The following SNTG1 variants were observed in gnomAD, a reference collection of about 807,000 sequenced individuals.
SNTG1 encodes syntrophin gamma 1, also known as gamma-1-syntrophin.
In SNTG1, 39 loss-of-function variants were observed where a neutral mutation model predicts 74.7. That is an observed-to-expected ratio of 0.52 (90% CI 0.40 to 0.68). SNTG1 has a LOEUF of 0.68. Among genes scored for constraint, SNTG1 ranks in the 30% least tolerant of loss-of-function variants. The pLI, the probability that SNTG1 is intolerant of heterozygous loss-of-function variation, is 0.00. For synonymous variants in SNTG1, 254 were observed against 217.1 expected (o/e 1.17, Z -1.49); for missense variants, 685 against 609.5 (o/e 1.12, Z -1.30).
chr8:50,385,862 G>A (rs140469645), intron 2 of SNTG1, among the ~76,000 whole-genome samples: 34 of 152,266 alleles, frequency 2.2e-4, no homozygotes, highest in African/African-American at 7.9e-4. Context: ...CTAAGCTTGT[G>A]GTAATCCATT....
intron 3 of SNTG1, among the ~76,000 whole-genome samples, chr8:50,401,321 G>T (rs1330646996): frequency 6.6e-6 from 1 of 151,986 alleles, no homozygotes; most frequent in African/African-American, 2.4e-5. Flanking sequence ...CACTTTCTAG[G>T]GAGAATATTT....
chr8:50,163,940 T>C (rs1197838506), intron 1 of SNTG1: 2 of 152,204 alleles, frequency 1.3e-5, no homozygotes, highest in Non-Finnish European at 2.9e-5. Context: ...ACTACATCTT[T>C]ACAATTGCTG....
intron 2 of SNTG1, among the ~76,000 whole-genome samples, chr8:50,386,451 TTAACAACA>T (rs2092575625): frequency 3.9e-5 from 1 of 25,558 alleles, no homozygotes; most frequent in Non-Finnish European, 7.6e-5. Flanking sequence ...GGGAGCAAGA[TTAACAACA>T]TACACCTGTG....
intron 1 of SNTG1, among the ~76,000 whole-genome samples, chr8:50,036,155 A>G (rs560110979): frequency 2.0e-5 from 3 of 152,344 alleles, no homozygotes; most frequent in South Asian, 2.1e-4. Context: ...ATGCACAAGA[A>G]TATGCATTGA....
At chr8:50,458,857 C>G (rs2093533226) in intron 8 of SNTG1, among the ~76,000 whole-genome samples, 1 of 152,070 alleles carries the variant, frequency 6.6e-6, no homozygotes, top group Non-Finnish European at 1.5e-5. Flanking sequence ...TTTTCCTAGT[C>G]TGTGGCTTAG....
intron 1 of SNTG1, among the ~76,000 whole-genome samples, chr8:50,129,392 T>C (rs546327132): frequency 6.6e-6 from 1 of 152,106 alleles, no homozygotes; most frequent in Non-Finnish European, 1.5e-5. Flanking sequence ...CCTCAATAAA[T>C]GGGAACTGAA....
chr8:50,058,453 G>A (rs1218872126), intron 1 of SNTG1, among the ~76,000 whole-genome samples: 1 of 152,122 alleles, frequency 6.6e-6, no homozygotes, highest in Non-Finnish European at 1.5e-5. Context: ...GAAAGGCCAA[G>A]TGATTTTTGG....
intron 1 of SNTG1, among the ~76,000 whole-genome samples, chr8:50,103,406 A>AT (rs1222862356): frequency 6.6e-6 from 1 of 152,092 alleles, no homozygotes; most frequent in Non-Finnish European, 1.5e-5. Flanking sequence ...TTGTACATTG[A>AT]TTTTGTATCC....
At chr8:50,085,072 A>G (rs1327969454) in intron 1 of SNTG1, among the ~76,000 whole-genome samples, 2 of 152,250 alleles carry the variant, frequency 1.3e-5, no homozygotes, top group African/African-American at 4.8e-5. Flanking sequence ...TAGATGATGC[A>G]AGAGCAGGAA....
intron 4 of SNTG1, 39 bp from the exon 5 acceptor site, chr8:50,438,504 T>G (rs1481104635): frequency 7.6e-6 from 12 of 1,581,916 alleles, no homozygotes; most frequent in Non-Finnish European, 1.0e-5. Flanking sequence ...AGTATAGTAT[T>G]AGGAAACACT....
chr8:50,671,008 G>A (rs1335795015), intron 15 of SNTG1, among the ~76,000 whole-genome samples: 2 of 150,572 alleles, frequency 1.3e-5, no homozygotes, highest in East Asian at 1.9e-4. Context: ...AGCTGAAACT[G>A]GATCCCTTCC....
At chr8:50,717,855 C>A (rs530250371) in intron 17 of SNTG1, among the ~76,000 whole-genome samples, 2 of 152,282 alleles carry the variant, frequency 1.3e-5, no homozygotes, top group Admixed American at 1.3e-4. Flanking sequence ...GTGGGATAGT[C>A]CCACCCACTG....
Position 50,735,589 on chromosome 8 carries a change from A to G in SNTG1, c.1285-16412A>G, listed in dbSNP as rs188475449. 3.4e-4 allele frequency among the ~76,000 whole-genome samples: 52 copies of G among 152,148 alleles called. 1 individual carries two copies. The highest frequency in any genetic ancestry group is 6.0e-4 in the Non-Finnish European group (41 of 67,976). ...GATTAGAGAAAAAAGAATGAAAAGGAATGATCGAAGCCTCCAAGAAATATG... is the reference window on the plus strand; with the variant it reads ...GATTAGAGAAAAAAGAATGAAAAGGGATGATCGAAGCCTCCAAGAAATATG... On this transcript the variant is annotated intron_variant, in intron 17 of 18. Coordinates refer to ENST00000642720, the MANE Select transcript of SNTG1 (RefSeq NM_018967.5).
At chr8:50,525,164 G>A (rs1563523247) in intron 9 of SNTG1, among the ~76,000 whole-genome samples, 1 of 152,018 alleles carries the variant, frequency 6.6e-6, no homozygotes, top group African/African-American at 2.4e-5. Context: ...TAGATTGGCT[G>A]ATTTTATTTT....
intron 2 of SNTG1, among the ~76,000 whole-genome samples, chr8:50,370,252 C>A (rs565897800): frequency 1.7e-4 from 26 of 152,210 alleles, no homozygotes; most frequent in African/African-American, 6.3e-4. Context: ...TTTCCTGTAG[C>A]CATAAGGCTG....
intron 18 of SNTG1, chr8:50,762,755 C>T: frequency 2.1e-6 from 1 of 478,016 alleles, no homozygotes; most frequent in Non-Finnish European, 4.2e-6. Context: ...GCACTGGACA[C>T]ACTTCTGAAC....
intron 15 of SNTG1, among the ~76,000 whole-genome samples, chr8:50,675,811 A>C (rs2095307382): frequency 1.3e-5 from 2 of 151,748 alleles, no homozygotes; most frequent in South Asian, 4.2e-4. Context: ...TTTCCTTTCC[A>C]TATTTTGTGC....
At chr8:50,506,517 C>G (rs2094007955) in intron 9 of SNTG1, among the ~76,000 whole-genome samples, 1 of 151,912 alleles carries the variant, frequency 6.6e-6, no homozygotes, top group Non-Finnish European at 1.5e-5. Context: ...TCTTTAATTT[C>G]TCAATGATAT....
intron 2 of SNTG1, among the ~76,000 whole-genome samples, chr8:50,249,692 T>A (rs2086561456): frequency 6.6e-6 from 1 of 152,126 alleles, no homozygotes; most frequent in Non-Finnish European, 1.5e-5. Context: ...AGGCCTATAA[T>A]AATCTCACAC....
Sources: allele counts gnomAD v4.1 joint callset (sites outside exome capture counted in the v4.1 genomes callset), GRCh38; gene constraint gnomAD v4.1.1; transcripts MANE v1.5; gene names NCBI Gene and HGNC (gene_info 2026-07-23, HGNC 2026-07-21).